SLC4A5: variants seen among roughly 807,000 people sequenced by gnomAD.
The protein encoded by SLC4A5 is electrogenic sodium bicarbonate cotransporter 4.
In SLC4A5, 96 loss-of-function variants were observed where a neutral mutation model predicts 120.4. The ratio of observed to expected loss-of-function variants is 0.80; its 90% CI spans 0.68 to 0.94. The LOEUF (loss-of-function observed/expected upper bound fraction) is 0.94. Among genes scored for constraint, SLC4A5 ranks in the 40% least tolerant of loss-of-function variants. The pLI, the probability that SLC4A5 is intolerant of heterozygous loss-of-function variation, is 0.00. For missense variants in SLC4A5, 1,259 were observed against 1,459.5 expected (o/e 0.86, Z 2.24); for synonymous variants, 550 against 571.1 (o/e 0.96, Z 0.53).
intron 12 of SLC4A5, 121 bp downstream of exon 12, chr2:74,259,467 C>T: frequency 1.7e-6 from 2 of 1,160,856 alleles, no homozygotes; most frequent in South Asian, 2.5e-5. Context: ...TGGGGATCTT[C>T]CTGGAACTCC....
At chr2:74,306,924 G>T in intron 6 of SLC4A5, 1 of 616,688 alleles carries the variant, frequency 1.6e-6, no homozygotes, top group Admixed American at 2.1e-5. Context: ...GTTCAGCAGG[G>T]CCTTGTACTC....
At chr2:74,230,939 T>C (rs913824891) in intron 25 of SLC4A5, among the ~76,000 whole-genome samples, 2 of 152,088 alleles carry the variant, frequency 1.3e-5, no homozygotes, top group Non-Finnish European at 2.9e-5. Context: ...CCCGAGTAGC[T>C]GTGATTACAG....
chr2:74,311,693 A>G (rs1450268030), intron 6 of SLC4A5, among the ~76,000 whole-genome samples: 1 of 149,966 alleles, frequency 6.7e-6, no homozygotes, highest in Non-Finnish European at 1.5e-5. Flanking sequence ...GTTCCTTTAA[A>G]TTTGTTCAGG....
chr2:74,219,391 CTTTG>C (rs1694551957), intron 30 of SLC4A5, among the ~76,000 whole-genome samples: 1 of 152,172 alleles, frequency 6.6e-6, no homozygotes, highest in South Asian at 2.1e-4. Context: ...GGTGCTCTGT[CTTTG>C]TTTGCATGCC....
chr2:74,252,159 G>A lies in SLC4A5; in HGVS notation c.1478+20C>T, dbSNP rs753134908. The A allele has an allele frequency of 6.2e-7, 1 of 1,609,648 alleles. No homozygotes were observed. The highest frequency in any genetic ancestry group is 8.5e-7 in the Non-Finnish European group (1 of 1,178,010). ...AAGTCTAAAGGACAGCAGGGTCACTGGGAGGCCTGGGGTGGGCACCTTCCT... is the reference window on the plus strand; with the variant it reads ...AAGTCTAAAGGACAGCAGGGTCACTAGGAGGCCTGGGGTGGGCACCTTCCT... On this transcript the variant is annotated intron_variant, in intron 16 of 30. Coordinates refer to ENST00000394019, the Ensembl canonical transcript of SLC4A5.
chr2:74,242,073 C>CGG (rs1670466873), intron 19 of SLC4A5, 21 bp from the exon 20 acceptor site: 1 of 1,598,424 alleles, frequency 6.3e-7, no homozygotes. Context: ...GCACATGACA[C>CGG]GGGGCAGGGT....
At chr2:74,340,214 T>C (rs1673594278) in intron 2 of SLC4A5, among the ~76,000 whole-genome samples, 1 of 152,232 alleles carries the variant, frequency 6.6e-6, no homozygotes, top group South Asian at 2.1e-4. Flanking sequence ...TATTTTGCCA[T>C]AAAAGGAAAT....
intron 7 of SLC4A5, among the ~76,000 whole-genome samples, chr2:74,296,332 T>A (rs1672324571): frequency 6.6e-6 from 1 of 152,128 alleles, no homozygotes; most frequent in African/African-American, 2.4e-5. Context: ...TCTAGAATGA[T>A]CTTTATCCTT....
At chr2:74,258,800 G>A (rs552086475) in intron 12 of SLC4A5, among the ~76,000 whole-genome samples, 1 of 152,270 alleles carries the variant, frequency 6.6e-6, no homozygotes, top group African/African-American at 2.4e-5. Flanking sequence ...TAATTTATTT[G>A]TGCCCGGGAC....
At chr2:74,290,969 G>T (rs1672148814) in intron 7 of SLC4A5, among the ~76,000 whole-genome samples, 1 of 152,078 alleles carries the variant, frequency 6.6e-6, no homozygotes, top group Admixed American at 6.5e-5. Context: ...CAGGTGAGCT[G>T]GCTGGAGAGG....
chr2:74,255,713 CT>C lies in SLC4A5; in HGVS notation c.1025+61del. ...CACTAACAGTCAACAGCACTGCTTG[CT>C]GACTGCACTGCTGACTGGCTACCTG... On this transcript the variant is annotated intron_variant, in intron 13 of 30. Coordinates refer to ENST00000394019, the Ensembl canonical transcript of SLC4A5. This position sits in a 1 kb window ranked among gnomAD's most constrained non-coding sequence, Gnocchi z 4.0. 1 of 1,589,648 alleles carries C rather than the reference CT, an allele frequency of 6.3e-7. No homozygotes were observed. The highest frequency in any genetic ancestry group is 8.6e-7 in the Non-Finnish European group (1 of 1,161,904).
intron 3 of SLC4A5, among the ~76,000 whole-genome samples, chr2:74,335,749 A>G (rs1411935746): frequency 6.6e-6 from 1 of 152,176 alleles, no homozygotes; most frequent in Non-Finnish European, 1.5e-5. Context: ...AAACCCTAAA[A>G]CATCTAGAAA....
At chr2:74,290,622 TGAGAGAGAGAGA>T (rs151284937) in intron 7 of SLC4A5, 65 of 885,806 alleles carry the variant, frequency 7.3e-5, no homozygotes, top group East Asian at 1.7e-4. Context: ...GACAGAGAAG[TGAGAGAGAGAGA>T]GAGAGAGAGA....
intron 7 of SLC4A5, among the ~76,000 whole-genome samples, chr2:74,291,456 A>G (rs1275521889): frequency 2.0e-5 from 3 of 152,112 alleles, no homozygotes; most frequent in East Asian, 1.9e-4. Context: ...CAAACCCTTC[A>G]TTTCACGGAT....
chr2:74,228,730 A>G (rs1694944127), intron 25 of SLC4A5, among the ~76,000 whole-genome samples: 1 of 151,770 alleles, frequency 6.6e-6, no homozygotes, highest in Admixed American at 6.6e-5. Context: ...AAGAAGCAGA[A>G]CAAAAGTGTG....
rs1006097875 is a variant in SLC4A5, at chr2:74,290,372, T to C, written c.272-4470A>G. On this transcript the variant is annotated intron_variant, in intron 7 of 30. Transcript: ENST00000394019. ...CCTCTTCTTCACACAACAAACTCAC[T>C]TTTGTTTCCAGTTAAGCACCAGGGG... 3.0e-6 allele frequency: 3 copies of C among 985,082 alleles called. No individual in the cohort carries two copies. In the African/African-American group the frequency reaches 5.3e-5, roughly 17 times the overall value. The allele number at this position is 985,082 out of a possible 1,614,324, so 61.0% of individuals were successfully genotyped here.
At chr2:74,250,422 A>T (rs1670753790) in exon 17 of SLC4A5, 1 of 1,614,050 alleles carries the variant, frequency 6.2e-7, no homozygotes, top group African/African-American at 1.3e-5. Flanking sequence ...GATGAATAGG[A>T]TGGCAGAGAT....
intron 7 of SLC4A5, among the ~76,000 whole-genome samples, chr2:74,301,696 C>T (rs1036701185): frequency 9.9e-5 from 15 of 152,188 alleles, no homozygotes; most frequent in African/African-American, 3.6e-4. Flanking sequence ...GTGGCAAGAG[C>T]AAGGTTTATA....
intron 22 of SLC4A5, 84 bp from the exon 23 acceptor site, chr2:74,233,647 T>C: frequency 6.9e-7 from 1 of 1,443,876 alleles, no homozygotes; most frequent in Non-Finnish European, 9.2e-7. Flanking sequence ...TCCCACCTCC[T>C]CAACTTTCCC....
Sources: gnomAD v4.1 joint callset for allele counts (sites outside exome capture counted in the v4.1 genomes callset) on GRCh38, gnomAD v4.1.1 for gene constraint, Gnocchi (gnomAD v3.1) non-coding constraint, MANE v1.5 for transcripts, NCBI Gene and HGNC (gene_info 2026-07-23, HGNC 2026-07-21) for gene names.